The following MGAT4C variants were observed in gnomAD, a reference collection of about 807,000 sequenced individuals.
MGAT4C encodes the protein MGAT4 family member C.
Under a neutral mutation model 40.1 loss-of-function variants are expected in MGAT4C, and 19 were observed. That is an observed-to-expected ratio of 0.47 (90% confidence interval 0.33 to 0.70). MGAT4C has a LOEUF of 0.70. Ranked by LOEUF, MGAT4C falls within the 30% of genes least tolerant of loss-of-function variation. The pLI is 0.02. For missense variants in MGAT4C, 491 were observed against 563.2 expected (o/e 0.87, Z 1.30); for synonymous variants, 181 against 187.1 (o/e 0.97, Z 0.27).
At chr12:86,244,231 G>A (rs981694929) in intron 1 of MGAT4C, among the ~76,000 whole-genome samples, 13 of 152,270 alleles carry the variant, frequency 8.5e-5, no homozygotes, top group Admixed American at 2.0e-4. Flanking sequence ...CTCCAGGCAT[G>A]TTTTTACCAA....
intron 2 of MGAT4C, among the ~76,000 whole-genome samples, chr12:86,515,128 A>G (rs891368613): frequency 6.6e-6 from 1 of 152,210 alleles, no homozygotes; most frequent in African/African-American, 2.4e-5. Flanking sequence ...TCAGCCTCCC[A>G]CAGAATTATC....
intron 2 of MGAT4C, among the ~76,000 whole-genome samples, chr12:86,591,972 A>C: frequency 6.6e-6 from 1 of 152,178 alleles, no homozygotes; most frequent in Admixed American, 6.6e-5. Flanking sequence ...TATTTCTGGA[A>C]AAAATTATGA....
Position 86,470,359 on chromosome 12 carries a change from T to C in MGAT4C, c.-228-35094A>G, listed in dbSNP as rs112646795. Among the ~76,000 whole-genome samples, 502 of 152,230 alleles carry C rather than the reference T, an allele frequency of 3.3e-3. 2 individuals are homozygous for C. Among genetic ancestry groups the C allele is most frequent in the African/African-American group, 0.012 (483 of 41,544 alleles). Reference sequence around the variant, plus strand: ...TTATCTGAAATGAAAATATGAGGACTGAACTTCGACTCTATCTTGGGTGAC... The same window carrying C: ...TTATCTGAAATGAAAATATGAGGACCGAACTTCGACTCTATCTTGGGTGAC... On this transcript the variant is annotated intron_variant, in intron 2 of 7. Coordinates refer to the MGAT4C transcript ENST00000548651.
chr12:86,427,994 A>T (rs1366965906), intron 3 of MGAT4C, among the ~76,000 whole-genome samples: 1 of 152,008 alleles, frequency 6.6e-6, no homozygotes, highest in Non-Finnish European at 1.5e-5. Flanking sequence ...CACTCCAGCC[A>T]GGGAGACAGA....
At chr12:86,148,041 T>C (rs1328258253) in intron 1 of MGAT4C, among the ~76,000 whole-genome samples, 5 of 152,252 alleles carry the variant, frequency 3.3e-5, no homozygotes, top group African/African-American at 1.2e-4. Flanking sequence ...AACAAAATAA[T>C]GTTAACAAAA....
intron 2 of MGAT4C, among the ~76,000 whole-genome samples, chr12:86,000,822 T>G (rs1887212885): frequency 6.6e-6 from 1 of 152,166 alleles, no homozygotes; most frequent in Admixed American, 6.5e-5. Context: ...ATTTTTCCAA[T>G]TTTGAAAGTA....
intron 2 of MGAT4C, among the ~76,000 whole-genome samples, chr12:86,005,218 C>G (rs1326400524): frequency 6.6e-6 from 1 of 152,168 alleles, no homozygotes; most frequent in South Asian, 2.1e-4. Flanking sequence ...ATTGCTTACT[C>G]AGTAACATTT....
At chr12:86,217,089 T>C (rs1950700576) in intron 1 of MGAT4C, among the ~76,000 whole-genome samples, 1 of 152,194 alleles carries the variant, frequency 6.6e-6, no homozygotes, top group South Asian at 2.1e-4. Flanking sequence ...AGAAAAATCT[T>C]TACAAGTAAT....
chr12:86,701,631 G>C (rs1351166547), intron 2 of MGAT4C, among the ~76,000 whole-genome samples: 3 of 152,080 alleles, frequency 2.0e-5, no homozygotes, highest in Non-Finnish European at 2.9e-5. Context: ...TGATCTCTAA[G>C]GGTTGAAGTA....
At chr12:86,415,072 G>A (rs76758556) in intron 3 of MGAT4C, among the ~76,000 whole-genome samples, 2,956 of 152,098 alleles carry the variant, frequency 0.019, 39 homozygotes, top group Middle Eastern at 0.048. Flanking sequence ...AGCAGCAGCA[G>A]ATAATCTATG....
At chr12:86,345,148 A>G (rs1371392708) in intron 3 of MGAT4C, among the ~76,000 whole-genome samples, 1 of 152,184 alleles carries the variant, frequency 6.6e-6, no homozygotes, top group Non-Finnish European at 1.5e-5. Flanking sequence ...GAAAATGTTA[A>G]GAACATCATA....
At chr12:85,982,171 T>C (rs746469179) in intron 4 of MGAT4C, among the ~76,000 whole-genome samples, 1 of 152,056 alleles carries the variant, frequency 6.6e-6, no homozygotes, top group African/African-American at 2.4e-5. Context: ...AGATTCATGG[T>C]TTTTTTGTTT....
At chr12:86,490,457 C>T (rs1303273110) in intron 2 of MGAT4C, among the ~76,000 whole-genome samples, 1 of 151,966 alleles carries the variant, frequency 6.6e-6, no homozygotes, top group Non-Finnish European at 1.5e-5. Flanking sequence ...CGGTACCAGC[C>T]ACTGCAAAAT....
At chr12:86,484,433 CA>C (rs1287141438) in intron 2 of MGAT4C, among the ~76,000 whole-genome samples, 1 of 152,228 alleles carries the variant, frequency 6.6e-6, no homozygotes, top group African/African-American at 2.4e-5. Flanking sequence ...CGTATGTGCA[CA>C]GTACAGCCTC....
At position 85,963,262 on chromosome 12, in the gene MGAT4C, A is replaced by G. The variant is rs1883204115; in HGVS notation, c.*16027T>C. The G allele has an allele frequency of 6.6e-6, 1 of 152,020 alleles. No individual in the cohort carries two copies. Among genetic ancestry groups the G allele is most frequent in the South Asian group, 2.1e-4 (1 of 4,828 alleles). 9.4% of individuals were successfully genotyped at this position (152,020 alleles called of 1,614,324 possible). A position where few individuals can be genotyped will look rare whatever the true frequency, so the allele number is the denominator to read the frequency against. ...CCTCATAAATATTTTAAAAGTACAC[A>G]TTGTTCCATGGCTTTTGCCTTTAGA... On this transcript the variant is annotated 3_prime_UTR_variant, in exon 5 of 5. Transcript: ENST00000611864.
intron 3 of MGAT4C, among the ~76,000 whole-genome samples, chr12:86,392,093 G>A (rs1054626964): frequency 1.2e-4 from 18 of 152,066 alleles, no homozygotes; most frequent in Non-Finnish European, 2.5e-4. Context: ...TGATTACTGG[G>A]TAAACTTTAC....
At chr12:86,708,176 G>C (rs1950496322) in intron 2 of MGAT4C, among the ~76,000 whole-genome samples, 1 of 152,200 alleles carries the variant, frequency 6.6e-6, no homozygotes, top group East Asian at 1.9e-4. Flanking sequence ...TTGCAGTCTA[G>C]GGACTTGGTG....
At chr12:86,103,109 A>C (rs1445402534) in intron 1 of MGAT4C, among the ~76,000 whole-genome samples, 1 of 152,104 alleles carries the variant, frequency 6.6e-6, no homozygotes, top group Non-Finnish European at 1.5e-5. Context: ...TTCTGATTGG[A>C]GATACAGCTG....
chr12:86,174,234 T>A (rs1236629147), intron 1 of MGAT4C, among the ~76,000 whole-genome samples: 1 of 151,940 alleles, frequency 6.6e-6, no homozygotes, highest in African/African-American at 2.4e-5. Flanking sequence ...TGCACGGAAT[T>A]TACCTTAGTC....
Sources: allele counts gnomAD v4.1 joint callset (sites outside exome capture counted in the v4.1 genomes callset), GRCh38; gene constraint gnomAD v4.1.1; transcripts MANE v1.5; gene names NCBI Gene and HGNC (gene_info 2026-07-23, HGNC 2026-07-21).